Variants in MMADHC observed in about 807,000 individuals in gnomAD.
MMADHC encodes the protein cobalamin trafficking protein CblD.
MMADHC carries 23 observed loss-of-function variants against 36.3 expected under a neutral mutation model. That is an observed-to-expected ratio of 0.63 (90% CI 0.46 to 0.90). The LOEUF (loss-of-function observed/expected upper bound fraction) is 0.90. Ranked by LOEUF, MMADHC falls within the 40% of genes least tolerant of loss-of-function variation. The pLI, the probability that MMADHC is intolerant of heterozygous loss-of-function variation, is 0.00. For missense variants in MMADHC, 330 were observed against 348.0 expected, an observed-to-expected ratio of 0.95 and a Z score of 0.41; for synonymous variants, 97 against 116.1, an observed-to-expected ratio of 0.84 and a Z score of 1.06.
chr2:149,579,884 C>T (rs1682771694), intron 3 of MMADHC, among the ~76,000 whole-genome samples: 1 of 152,128 alleles, frequency 6.6e-6, no homozygotes, highest in African/African-American at 2.4e-5. Context: ...ATACTCTAAT[C>T]CATACTAAGA....
At chr2:149,587,351 G>A (rs1682888662) in intron 1 of MMADHC, 1 of 570,524 alleles carries the variant, frequency 1.8e-6, no homozygotes, top group African/African-American at 1.9e-5. Flanking sequence ...GCAGCTCAGA[G>A]CCCTTCCGGT....
chr2:149,573,222 G>A (rs1682669222), intron 6 of MMADHC, among the ~76,000 whole-genome samples: 1 of 152,048 alleles, frequency 6.6e-6, no homozygotes, highest in Admixed American at 6.6e-5. Context: ...TAATCGAACT[G>A]AATTCTGAAA....
chr2:149,569,770 ATGTGTTCAACG>A lies in MMADHC; in HGVS notation c.*193_*203del. The A allele has an allele frequency of 1.8e-6, 1 of 542,060 alleles. No individual in the cohort carries two copies. Among genetic ancestry groups the A allele is most frequent in the Non-Finnish European group, 3.3e-6 (1 of 302,692 alleles). The allele number at this position is 542,060 out of a possible 1,614,324, so 33.6% of individuals were successfully genotyped here. A position where few individuals can be genotyped will look rare whatever the true frequency, so the allele number is the denominator to read the frequency against. The stretch of plus-strand genomic sequence containing the variant: ...AATTACCACATCCTATACAATGTGG[ATGTGTTCAACG>A]TGTATTCAATGATATGAATAAATGA... On this transcript the variant is annotated 3_prime_UTR_variant, in exon 8 of 8. Transcript: ENST00000303319.
rs1468262069 is a variant in MMADHC, at chr2:149,571,105, CAAT to C, written c.673_675del (p.Ile225del). The C allele has an allele frequency of 7.4e-6, 12 of 1,612,102 alleles. No individual in the cohort carries two copies. The highest frequency in any genetic ancestry group is 1.0e-5 in the Non-Finnish European group (12 of 1,178,644). On this transcript the variant is annotated inframe_deletion, in exon 7 of 8. Coordinates refer to ENST00000303319, the MANE Select transcript of MMADHC (RefSeq NM_015702.3). ...CTCACTGCCAAACCAGATGATGGGT[CAAT>C]AAAGTCAGCCCAATAACCCTCAGCT...
At chr2:149,583,701 G>A (rs977321591) in intron 2 of MMADHC, among the ~76,000 whole-genome samples, 9 of 152,144 alleles carry the variant, frequency 5.9e-5, no homozygotes, top group African/African-American at 1.9e-4. Context: ...TTTTCACAAA[G>A]TACAGTATTC....
intron 6 of MMADHC, among the ~76,000 whole-genome samples, chr2:149,571,737 G>A (rs1432009607): frequency 4.0e-5 from 6 of 148,446 alleles, no homozygotes; most frequent in Non-Finnish European, 7.4e-5. Flanking sequence ...CCGAGATCGC[G>A]CCACTGCACT....
At chr2:149,577,959 A>T (rs558150474) in intron 4 of MMADHC, among the ~76,000 whole-genome samples, 1 of 152,324 alleles carries the variant, frequency 6.6e-6, no homozygotes, top group African/African-American at 2.4e-5. Flanking sequence ...TGCAGGTTGC[A>T]GTGAGCCAAG....
chr2:149,587,256 C>T (rs920807371), intron 1 of MMADHC, 107 bp from the exon 2 acceptor site: 1 of 723,184 alleles, frequency 1.4e-6, no homozygotes, highest in African/African-American at 1.7e-5. Context: ...ACGTCAGGAC[C>T]AAAGTCCAAG....
chr2:149,580,544 T>C (rs1018998165), intron 3 of MMADHC, among the ~76,000 whole-genome samples: 1 of 152,174 alleles, frequency 6.6e-6, no homozygotes, highest in Admixed American at 6.5e-5. Flanking sequence ...AACTAATAAT[T>C]ACTCAGAGTA....
chr2:149,585,854 C>T (rs1558850097), intron 2 of MMADHC, among the ~76,000 whole-genome samples: 1 of 152,176 alleles, frequency 6.6e-6, no homozygotes, highest in Admixed American at 6.5e-5. Flanking sequence ...TTAATATGAA[C>T]TTCTTTCTAA....
At chr2:149,572,525 T>C (rs1048012870) in intron 6 of MMADHC, among the ~76,000 whole-genome samples, 3 of 152,092 alleles carry the variant, frequency 2.0e-5, no homozygotes, top group African/African-American at 7.2e-5. Context: ...GTAATCCCTA[T>C]ATCTGCTCTA....
chr2:149,577,738 G>A (rs1033552798), intron 4 of MMADHC, among the ~76,000 whole-genome samples: 5 of 152,156 alleles, frequency 3.3e-5, no homozygotes, highest in African/African-American at 9.7e-5. Flanking sequence ...AAACAGGAGT[G>A]GTCAGGCACA....
chr2:149,586,683 C>G (rs766970223), intron 2 of MMADHC, among the ~76,000 whole-genome samples: 5 of 151,876 alleles, frequency 3.3e-5, no homozygotes, highest in African/African-American at 4.8e-5. Flanking sequence ...ATCTCCTATT[C>G]TTATTTTGTA....
At chr2:149,583,644 T>C (rs1682824392) in intron 2 of MMADHC, among the ~76,000 whole-genome samples, 1 of 152,162 alleles carries the variant, frequency 6.6e-6, no homozygotes, top group Non-Finnish European at 1.5e-5. Flanking sequence ...GTTACCAGGA[T>C]GTTGGAAAAA....
chr2:149,577,984 C>T (rs2105047129), intron 4 of MMADHC, among the ~76,000 whole-genome samples: 1 of 152,282 alleles, frequency 6.6e-6, no homozygotes, highest in East Asian at 1.9e-4. Context: ...CACCACTGCA[C>T]TCTAGCCTGG....
intron 7 of MMADHC, 140 bp from the exon 8 acceptor site, chr2:149,570,308 T>A: frequency 1.4e-6 from 1 of 718,682 alleles, no homozygotes; most frequent in Non-Finnish European, 2.4e-6. Context: ...ATGCAACACT[T>A]AAACCGCCTT....
intron 6 of MMADHC, among the ~76,000 whole-genome samples, chr2:149,574,735 A>T (rs1365604050): frequency 6.6e-6 from 1 of 152,242 alleles, no homozygotes; most frequent in Non-Finnish European, 1.5e-5. Context: ...AAGTATTTGT[A>T]AAAAGACTGT....
chr2:149,570,140 A>T lies in MMADHC; in HGVS notation c.725T>A (p.Leu242His). The T allele has an allele frequency of 6.2e-7, 1 of 1,613,890 alleles. No homozygotes were observed. The highest frequency in any genetic ancestry group is 1.1e-5 in the South Asian group (1 of 91,074). The change falls in exon 8 of 8, where the codon CTT (leucine) becomes CAT (histidine). Residue 242 changes from leucine (L) to histidine (H), a missense_variant. By Grantham distance (99) the Leu-to-His change is moderately conservative. Transcript: ENST00000303319. The stretch of plus-strand genomic sequence containing the variant: ...TCGGTAGCGTTCATCAGTTTCAAAA[A>T]GAGTGTTGTTTGTATATGGTCCAAA... ...AFFGPYTNNT[L>H]FETDERYRHL...
rs1461075501 is a variant in MMADHC, at chr2:149,575,741, T to C, written c.579A>G (p.Val193=). The C allele has an allele frequency of 6.2e-7, 1 of 1,604,532 alleles. No individual in the cohort carries two copies. Among genetic ancestry groups the C allele is most frequent in the South Asian group, 1.1e-5 (1 of 89,172 alleles). Residue 193 remains valine (V), a synonymous_variant, in exon 6 of 8, where the codon GTA becomes GTG. Transcript: ENST00000303319. The stretch of plus-strand genomic sequence containing the variant: ...CTAAGAGCACTTCTCTTTCAATTTC[T>C]ACTTCTTCACTCCAAACAGTCATAT... ...KNDMTVWSEE[V]EIEREVLLEK...
Sources: gnomAD v4.1 joint callset for allele counts (sites outside exome capture counted in the v4.1 genomes callset) on GRCh38, gnomAD v4.1.1 for gene constraint, MANE v1.5 for transcripts, NCBI Gene and HGNC (gene_info 2026-07-23, HGNC 2026-07-21) for gene names.